CADM1: variants seen among roughly 807,000 people sequenced by gnomAD.
CADM1 encodes the protein cell adhesion molecule 1.
Under a neutral mutation model 53.1 loss-of-function variants are expected in CADM1, and 15 were observed. The ratio of observed to expected loss-of-function variants is 0.28; its 90% CI spans 0.19 to 0.44. The LOEUF (loss-of-function observed/expected upper bound fraction) is 0.44, where lower values mean the gene tolerates loss of function less well. Among genes scored for constraint, CADM1 ranks in the 20% least tolerant of loss-of-function variants. CADM1 has a pLI of 1.00. For synonymous variants in CADM1, 281 were observed against 243.0 expected (o/e 1.16, Z -1.45); for missense variants, 434 against 611.3 (o/e 0.71, Z 3.06).
intron 1 of CADM1, among the ~76,000 whole-genome samples, chr11:115,282,472 T>A (rs1269720214): frequency 1.3e-5 from 2 of 152,208 alleles, no homozygotes; most frequent in Non-Finnish European, 2.9e-5. Flanking sequence ...CATCTTAAGT[T>A]CTGACGACAC....
At chr11:115,458,834 A>G (rs915004500) in intron 1 of CADM1, among the ~76,000 whole-genome samples, 6 of 152,152 alleles carry the variant, frequency 3.9e-5, no homozygotes, top group African/African-American at 1.4e-4. Flanking sequence ...TTCCATTTAC[A>G]TATTTCTAAG....
At chr11:115,472,921 G>C (rs929122567) in intron 1 of CADM1, among the ~76,000 whole-genome samples, 1 of 152,106 alleles carries the variant, frequency 6.6e-6, no homozygotes, top group Admixed American at 6.5e-5. Context: ...AATTTTCTGT[G>C]ATCTACTTGT....
In CADM1 at chr11:115,272,843, T is replaced by C. The variant is rs138478162; in HGVS notation, c.125-32423A>G. ...GCAGCACACCAGCATGGCACATGTA[T>C]ACGTATGTAACTAACCTGCACAATG... On this transcript the variant is annotated intron_variant, in intron 1 of 11. Coordinates refer to ENST00000331581, the MANE Select transcript of CADM1 (RefSeq NM_001301043.2). Among the ~76,000 whole-genome samples the C allele has an allele frequency of 2.3e-3, 342 of 151,754 alleles. 2 individuals carry two copies. Among genetic ancestry groups the C allele is most frequent in the African/African-American group, 8.0e-3 (331 of 41,402 alleles).
At position 115,413,644 on chromosome 11, in the gene CADM1, C is replaced by T. The variant is rs118141630; in HGVS notation, c.124+90627G>A. Among the ~76,000 whole-genome samples the T allele has an allele frequency of 1.7e-3, 200 of 120,822 alleles. 1 individual carries two copies. The highest frequency in any genetic ancestry group is 2.4e-3 in the Non-Finnish European group (136 of 56,030). 79.3% of individuals were successfully genotyped at this position (120,822 alleles called of 152,430 possible). ...CAGGGAGTGTGGCTCCAGCTCAGTT[C>T]TTTTTTTTTTTTTTCTCTGAGACAG... On this transcript the variant is annotated intron_variant, in intron 1 of 11. Transcript: ENST00000331581.
intron 1 of CADM1, among the ~76,000 whole-genome samples, chr11:115,337,396 C>T (rs925901788): frequency 1.3e-5 from 2 of 152,126 alleles, no homozygotes; most frequent in Non-Finnish European, 2.9e-5. Flanking sequence ...CTCAACAGCA[C>T]CTCTCTTTTC....
chr11:115,477,319 T>C lies in CADM1; in HGVS notation c.124+26952A>G, dbSNP rs575758776. Among the ~76,000 whole-genome samples the C allele has an allele frequency of 4.6e-5, 7 of 152,308 alleles. No homozygotes were observed. The East Asian group carries it at 7.7e-4, about 17-fold the overall frequency. ...GCCTTAAATCTTATCCAAGGTATAA[T>C]AACATCTTAACCAAAACCTCTTTAA... is the stretch of plus-strand genomic sequence containing the variant. On this transcript the variant is annotated intron_variant, in intron 1 of 11. Coordinates refer to ENST00000331581, the MANE Select transcript of CADM1 (RefSeq NM_001301043.2).
intron 1 of CADM1, among the ~76,000 whole-genome samples, chr11:115,379,496 AC>A (rs1946522652): frequency 1.3e-5 from 2 of 152,188 alleles, no homozygotes; most frequent in Non-Finnish European, 2.9e-5. Flanking sequence ...AACATTTCCC[AC>A]ATTTGTGTAA....
At chr11:115,291,395 G>A (rs1477721025) in intron 1 of CADM1, among the ~76,000 whole-genome samples, 1 of 152,130 alleles carries the variant, frequency 6.6e-6, no homozygotes, top group African/African-American at 2.4e-5. Flanking sequence ...AACAAATTCT[G>A]CATTGGGTTA....
At position 115,209,589 on chromosome 11, in the gene CADM1, G is replaced by GGATGGT; in HGVS notation, c.1057_1062dup (p.Thr353_Ile354dup). Reference sequence around the variant, plus strand: ...GATACCATACCTGTGATGATGGTAAGGATGGTGGTGGTGGTGGTGGTGGTG... The same window carrying GGATGGT: ...GATACCATACCTGTGATGATGGTAAGGATGGTGATGGTGGTGGTGGTGGTGGTGGTG... On this transcript the variant is annotated inframe_insertion, in exon 8 of 12. Transcript: ENST00000331581. 6.2e-7 allele frequency: 1 copy of GGATGGT among 1,610,262 alleles called. No individual in the cohort carries two copies. The highest frequency in any genetic ancestry group is 1.3e-5 in the African/African-American group (1 of 74,492).
chr11:115,300,880 T>C (rs181115438), intron 1 of CADM1, among the ~76,000 whole-genome samples: 2 of 152,196 alleles, frequency 1.3e-5, no homozygotes, highest in African/African-American at 4.8e-5. Flanking sequence ...AAGCTCAATT[T>C]AAGGTTGGGC....
At chr11:115,203,078 C>T (rs1217501411) in intron 8 of CADM1, among the ~76,000 whole-genome samples, 1 of 152,012 alleles carries the variant, frequency 6.6e-6, no homozygotes, top group Non-Finnish European at 1.5e-5. Context: ...AAGCTCTCTT[C>T]CTTGTTAAAG....
chr11:115,226,044 C>T (rs547921462), intron 5 of CADM1, among the ~76,000 whole-genome samples: 8 of 152,088 alleles, frequency 5.3e-5, no homozygotes, highest in African/African-American at 1.9e-4. Flanking sequence ...CTCTGAGGTC[C>T]ATGAATGGGA....
chr11:115,199,235 A>C (rs1036807560), intron 8 of CADM1, among the ~76,000 whole-genome samples: 1 of 152,216 alleles, frequency 6.6e-6, no homozygotes. Context: ...ATCATATGAC[A>C]TTCCAAAAAT....
At chr11:115,187,529 G>A (rs555793534) in intron 10 of CADM1, among the ~76,000 whole-genome samples, 1 of 152,258 alleles carries the variant, frequency 6.6e-6, no homozygotes, top group South Asian at 2.1e-4. Flanking sequence ...CCTCGTTCAA[G>A]CAATTCTCCT....
intron 1 of CADM1, among the ~76,000 whole-genome samples, chr11:115,245,907 A>G (rs9633941): frequency 6.6e-6 from 1 of 152,072 alleles, no homozygotes; most frequent in African/African-American, 2.4e-5. Flanking sequence ...ACAGAGTTTT[A>G]TATCAAATCA....
intron 1 of CADM1, among the ~76,000 whole-genome samples, chr11:115,285,235 G>A (rs1028137390): frequency 8.5e-5 from 13 of 152,178 alleles, no homozygotes; most frequent in African/African-American, 2.4e-4. Context: ...TTACTAAAAC[G>A]TTTTAATAGA....
At chr11:115,313,148 T>C (rs1385540244) in intron 1 of CADM1, among the ~76,000 whole-genome samples, 3 of 152,166 alleles carry the variant, frequency 2.0e-5, no homozygotes, top group Non-Finnish European at 4.4e-5. Context: ...GCATATACTA[T>C]ATAATAATAT....
At position 115,224,097 on chromosome 11, in the gene CADM1, T is replaced by C. The variant is rs138173649; in HGVS notation, c.721+5016A>G. On this transcript the variant is annotated intron_variant, in intron 5 of 11. Transcript: ENST00000331581. Reference sequence around the variant, plus strand: ...AATTGATGAGGGAGAGGATTTGACATAGAAGCTGCTCTTGGGAACTAAGTG... The same window carrying C: ...AATTGATGAGGGAGAGGATTTGACACAGAAGCTGCTCTTGGGAACTAAGTG... Among the ~76,000 whole-genome samples the C allele has an allele frequency of 7.6e-3, 1,158 of 152,036 alleles. 19 individuals are homozygous for C. Among genetic ancestry groups the C allele is most frequent in the African/African-American group, 0.026 (1,095 of 41,490 alleles).
intron 1 of CADM1, among the ~76,000 whole-genome samples, chr11:115,418,916 C>A (rs1947683217): frequency 6.6e-6 from 1 of 152,204 alleles, no homozygotes; most frequent in African/African-American, 2.4e-5. Context: ...ATAAAAGATT[C>A]AAGAGCCCAT....
Sources: gnomAD v4.1 joint callset for allele counts (sites outside exome capture counted in the v4.1 genomes callset) on GRCh38, gnomAD v4.1.1 for gene constraint, MANE v1.5 for transcripts, NCBI Gene and HGNC (gene_info 2026-07-23, HGNC 2026-07-21) for gene names.